The following RIT2 variants were observed in gnomAD, a reference collection of about 807,000 sequenced individuals.
RIT2 encodes the protein GTP-binding protein Rit2.
RIT2 carries 24 observed loss-of-function variants against 23.7 expected under a neutral mutation model. That is an observed-to-expected ratio of 1.01 (90% CI 0.73 to 1.43). The LOEUF is 1.43. Among genes scored for constraint, RIT2 ranks in the 40% most tolerant of loss-of-function variants. RIT2 has a pLI of 0.00. For missense variants in RIT2, 236 were observed against 266.9 expected (o/e 0.88, Z 0.81); for synonymous variants, 107 against 91.1 (o/e 1.17, Z -0.99).
chr18:42,895,575 A>G (rs1345659534), intron 4 of RIT2, among the ~76,000 whole-genome samples: 1 of 152,206 alleles, frequency 6.6e-6, no homozygotes, highest in African/African-American at 2.4e-5. Flanking sequence ...GTCAACACCA[A>G]AGTAAAAGGG....
chr18:42,949,087 T>C (rs1269252584), intron 3 of RIT2: 4 of 397,382 alleles, frequency 1.0e-5, no homozygotes, highest in African/African-American at 8.2e-5. Context: ...GCAGCAATAC[T>C]TAGAACTTGG....
chr18:42,988,835 T>A (rs1910773973), intron 2 of RIT2, among the ~76,000 whole-genome samples: 1 of 152,150 alleles, frequency 6.6e-6, no homozygotes, highest in African/African-American at 2.4e-5. Context: ...AAGAGAGTAC[T>A]GGGTGAACAG....
chr18:43,085,078 T>C (rs971475264), intron 1 of RIT2, among the ~76,000 whole-genome samples: 9 of 152,016 alleles, frequency 5.9e-5, no homozygotes, highest in African/African-American at 2.2e-4. Flanking sequence ...GAGGCTTTTT[T>C]GAGGAAATGC....
At chr18:42,767,310 T>C (rs1449314801) in intron 4 of RIT2, among the ~76,000 whole-genome samples, 3 of 152,216 alleles carry the variant, frequency 2.0e-5, no homozygotes, top group South Asian at 4.1e-4. Context: ...ACCTCTTGCA[T>C]CAGCATGACA....
intron 4 of RIT2, among the ~76,000 whole-genome samples, chr18:42,855,793 CAG>C (rs1453317148): frequency 2.0e-5 from 3 of 152,150 alleles, no homozygotes; most frequent in Admixed American, 6.5e-5. Context: ...TAGCTTGCCT[CAG>C]AGTTACTAAT....
At chr18:43,084,875 T>A (rs767079966) in intron 1 of RIT2, among the ~76,000 whole-genome samples, 8 of 152,168 alleles carry the variant, frequency 5.3e-5, no homozygotes, top group Non-Finnish European at 1.2e-4. Context: ...TCTGTACATA[T>A]ATCCCTTAAA....
At chr18:42,979,179 T>G (rs1057131542) in intron 2 of RIT2, among the ~76,000 whole-genome samples, 14 of 152,098 alleles carry the variant, frequency 9.2e-5, no homozygotes, top group Non-Finnish European at 2.9e-5. Flanking sequence ...TAAGGTATTC[T>G]GGATAATTTT....
intron 3 of RIT2, among the ~76,000 whole-genome samples, chr18:42,970,459 C>A (rs1046985348): frequency 7.2e-5 from 11 of 151,912 alleles, no homozygotes; most frequent in African/African-American, 2.4e-4. Context: ...TGTGGCACTG[C>A]AAGATTATGT....
chr18:42,955,446 T>C (rs114728950), intron 3 of RIT2, among the ~76,000 whole-genome samples: 1,856 of 152,244 alleles, frequency 0.012, 43 homozygotes, highest in African/African-American at 0.043. Context: ...GTGTTTAAGA[T>C]GCCCCAACAC....
chr18:42,940,178 G>T (rs951812237), intron 3 of RIT2, among the ~76,000 whole-genome samples: 22 of 140,740 alleles, frequency 1.6e-4, no homozygotes, highest in Non-Finnish European at 6.0e-5. Flanking sequence ...AATGCTGCAG[G>T]TCACATCTCC....
chr18:42,961,623 A>T (rs945319788), intron 3 of RIT2, among the ~76,000 whole-genome samples: 1 of 152,204 alleles, frequency 6.6e-6, no homozygotes, highest in African/African-American at 2.4e-5. Context: ...TAAAATAATC[A>T]CATTGATCCA....
intron 3 of RIT2, among the ~76,000 whole-genome samples, chr18:42,971,767 G>A (rs917916787): frequency 1.3e-5 from 2 of 152,092 alleles, no homozygotes; most frequent in African/African-American, 4.8e-5. Context: ...AGGGTTATCT[G>A]CAGCATTCCC....
At chr18:42,824,757 A>ATGTGTG (rs113714294) in intron 4 of RIT2, among the ~76,000 whole-genome samples, 316 of 148,632 alleles carry the variant, frequency 2.1e-3, no homozygotes, top group African/African-American at 6.6e-3. Flanking sequence ...CTTTGTGTGT[A>ATGTGTG]TGTGTGTGTG....
At chr18:42,747,528 A>T (rs981788851) in intron 4 of RIT2, among the ~76,000 whole-genome samples, 2 of 152,114 alleles carry the variant, frequency 1.3e-5, no homozygotes, top group African/African-American at 4.8e-5. Flanking sequence ...CATTCTTCAC[A>T]GAACTAGAAA....
intron 4 of RIT2, among the ~76,000 whole-genome samples, chr18:42,813,815 G>A (rs1391497409): frequency 6.6e-6 from 1 of 152,178 alleles, no homozygotes; most frequent in East Asian, 1.9e-4. Flanking sequence ...AATAAGTCAG[G>A]AAACCCAAGA....
In RIT2 at chr18:43,098,735, G is replaced by C. The variant is rs184165453; in HGVS notation, c.103+16682C>G. Among the ~76,000 whole-genome samples the C allele has an allele frequency of 2.2e-3, 342 of 152,116 alleles. 1 individual carries two copies. The highest frequency in any genetic ancestry group is 3.5e-4 in the Non-Finnish European group (24 of 67,912). On this transcript the variant is annotated intron_variant, in intron 1 of 4. Coordinates refer to ENST00000326695, the MANE Select transcript of RIT2 (RefSeq NM_002930.4). ...TTCATTAATTCATTGGAAGGCCACT[G>C]TACTATCAACCCCATTTGACAGACA...
intron 4 of RIT2, among the ~76,000 whole-genome samples, chr18:42,900,694 T>G (rs916539905): frequency 1.3e-5 from 2 of 152,086 alleles, no homozygotes; most frequent in African/African-American, 4.8e-5. Flanking sequence ...TTGATAGTAC[T>G]TTCAGTAACA....
At chr18:42,954,161 T>G (rs1909916758) in intron 3 of RIT2, among the ~76,000 whole-genome samples, 1 of 151,978 alleles carries the variant, frequency 6.6e-6, no homozygotes, top group Non-Finnish European at 1.5e-5. Flanking sequence ...GCAGGTCACT[T>G]GAGGTCAGGA....
At chr18:42,892,601 C>T (rs906896014) in intron 4 of RIT2, among the ~76,000 whole-genome samples, 2 of 152,146 alleles carry the variant, frequency 1.3e-5, no homozygotes, top group African/African-American at 2.4e-5. Flanking sequence ...AAGCACAATG[C>T]TTGAAAATGT....
Sources: allele counts gnomAD v4.1 joint callset (sites outside exome capture counted in the v4.1 genomes callset), GRCh38; gene constraint gnomAD v4.1.1; transcripts MANE v1.5; gene names NCBI Gene and HGNC (gene_info 2026-07-23, HGNC 2026-07-21).